BAX: variants seen among roughly 807,000 people sequenced by gnomAD.
BAX encodes the protein BCL2 associated X, apoptosis regulator.
In BAX, 21 loss-of-function variants were observed where a neutral mutation model predicts 26.8. The ratio of observed to expected loss-of-function variants is 0.78; its 90% CI spans 0.56 to 1.13. The LOEUF (loss-of-function observed/expected upper bound fraction) is 1.13. BAX is among the 50% of genes most tolerant of loss of function. BAX has a pLI of 0.00. For synonymous variants in BAX, 110 were observed against 101.8 expected (o/e 1.08, Z -0.49); for missense variants, 236 against 254.6 (o/e 0.93, Z 0.50).
chr19:48,956,163 C>T, intron 3 of BAX, 35 bp from the exon 4 acceptor site: 1 of 1,482,982 alleles, frequency 6.7e-7, no homozygotes, highest in South Asian at 1.4e-5. Context: ...AGCCTGATGC[C>T]TGCTCCCCGG....
chr19:48,960,344 C>A, intron 4 of BAX: 1 of 360,228 alleles, frequency 2.8e-6, no homozygotes, highest in Non-Finnish European at 5.5e-6. Context: ...CAGGTGCCTG[C>A]CACCACACCC....
rs900334183 is a variant in BAX at position 48,955,767 on chromosome 19, C to A, written c.167C>A (p.Thr56Asn). Residue 56 changes from threonine (T) to asparagine (N), a missense_variant, in exon 3 of 6, where the codon ACC becomes AAC. By Grantham distance (65) the Thr-to-Asn change is moderately conservative. Transcript: ENST00000345358. ...ALDPVPQDASTKKLSECLKRI... is the reference protein window; with the variant it reads ...ALDPVPQDASNKKLSECLKRI... ...GACCCGGTGCCTCAGGATGCGTCCA[C>A]CAAGAAGCTGAGCGAGTGTCTCAAG... The A allele has an allele frequency of 6.2e-7, 1 of 1,613,434 alleles. No individual in the cohort carries two copies. Among genetic ancestry groups the A allele is most frequent in the Non-Finnish European group, 8.5e-7 (1 of 1,179,768 alleles).
chr19:48,955,701 G>C lies in BAX; in HGVS notation c.101G>C (p.Arg34Pro), dbSNP rs760586942. Residue 34 changes from arginine (R) to proline (P), a missense_variant, in exon 3 of 6, where the codon CGA (arginine) becomes CCA (proline). Arg to Pro is a moderately radical substitution (Grantham distance 103, BLOSUM62 -2). Transcript: ENST00000345358. ...ALLLQGFIQD[R>P]AGRMGGEAPE... is the part of the protein sequence containing the mutation. ...CCCCACTCTAGTTTCATCCAGGATCGAGCAGGGCGAATGGGGGGGGAGGCA... is the reference window on the plus strand; with the variant it reads ...CCCCACTCTAGTTTCATCCAGGATCCAGCAGGGCGAATGGGGGGGGAGGCA... The C allele has an allele frequency of 6.2e-7, 1 of 1,612,412 alleles. No homozygotes were observed. The highest frequency in any genetic ancestry group is 8.5e-7 in the Non-Finnish European group (1 of 1,178,996).
chr19:48,961,093 T>C (rs772824562), intron 5 of BAX, 179 bp downstream of exon 5: 1 of 1,586,228 alleles, frequency 6.3e-7, no homozygotes, highest in East Asian at 2.2e-5. Context: ...TCCTTACGTG[T>C]CTGATCAATC....
chr19:48,959,541 A>C (rs557335978), intron 4 of BAX, among the ~76,000 whole-genome samples: 23 of 147,190 alleles, frequency 1.6e-4, no homozygotes, highest in African/African-American at 5.8e-4. Context: ...GGGGCTGGGC[A>C]TGGTGGCTCA....
At chr19:48,957,460 A>G (rs1181788266) in intron 4 of BAX, among the ~76,000 whole-genome samples, 1 of 149,864 alleles carries the variant, frequency 6.7e-6, no homozygotes, top group East Asian at 2.0e-4. Flanking sequence ...TTTTTAGTAG[A>G]GACGGAGTTT....
Position 48,955,529 on chromosome 19 carries a change from C to G in BAX, c.35-19C>G. 1 of 1,608,708 alleles carries G rather than the reference C, an allele frequency of 6.2e-7. No homozygotes were observed. Among genetic ancestry groups the G allele is most frequent in the South Asian group, 1.1e-5 (1 of 90,298 alleles). On this transcript the variant is annotated intron_variant, in intron 1 of 5. Coordinates refer to ENST00000345358, the MANE Select transcript of BAX (RefSeq NM_138761.4). ...GAACCCAAGAGTCCAGGTACCTCTT[C>G]CCTTCCTTTCTCCTCTAGGGCCCAC... is the stretch of plus-strand genomic sequence containing the variant.
intron 4 of BAX, among the ~76,000 whole-genome samples, chr19:48,957,316 C>G: frequency 8.5e-6 from 1 of 117,448 alleles, no homozygotes; most frequent in Non-Finnish European, 1.7e-5. Context: ...ACTTTGTTGC[C>G]CAGGCTGGAG....
intron 4 of BAX, among the ~76,000 whole-genome samples, chr19:48,959,826 CAA>C (rs764008422): frequency 3.1e-4 from 37 of 118,652 alleles, no homozygotes; most frequent in Admixed American, 3.5e-4. Flanking sequence ...AACTCTATCT[CAA>C]AAAAAAAAAA....
chr19:48,960,987 C>A, intron 5 of BAX, 73 bp downstream of exon 5: 1 of 1,613,028 alleles, frequency 6.2e-7, no homozygotes, highest in Non-Finnish European at 8.5e-7. Context: ...GTCCCTGCCC[C>A]CCGCCACTCC....
intron 4 of BAX, among the ~76,000 whole-genome samples, chr19:48,958,125 C>G (rs1165329030): frequency 6.7e-6 from 1 of 150,200 alleles, no homozygotes; most frequent in East Asian, 1.9e-4. Flanking sequence ...GGGTCTTGCT[C>G]TGTTGGCCAG....
intron 5 of BAX, chr19:48,961,159 G>A (rs951626301): frequency 3.3e-6 from 5 of 1,530,352 alleles, no homozygotes; most frequent in Non-Finnish European, 4.4e-6. Context: ...CTGTGACCTT[G>A]ACTTGATTAG....
chr19:48,961,761 G>A lies in BAX; in HGVS notation c.*125G>A. ...TAATTATTGGGGGGTGTGGGGAAGA[G>A]TGGTCTTGAGGGGGTAATAAACCTC... On this transcript the variant is annotated 3_prime_UTR_variant, in exon 6 of 6. Transcript: ENST00000345358. The A allele has an allele frequency of 2.2e-6, 2 of 889,534 alleles. No individual in the cohort carries two copies. Among genetic ancestry groups the A allele is most frequent in the South Asian group, 1.6e-5 (1 of 61,882 alleles). The allele number at this position is 889,534 out of a possible 1,614,324, so 55.1% of individuals were successfully genotyped here. A position where few individuals can be genotyped will look rare whatever the true frequency, so the allele number is the denominator to read the frequency against.
Position 48,960,859 on chromosome 19 carries a change from C to T in BAX, c.419C>T (p.Thr140Ile). 1 of 1,614,190 alleles carries T rather than the reference C, an allele frequency of 6.2e-7. No individual in the cohort carries two copies. The highest frequency in any genetic ancestry group is 8.5e-7 in the Non-Finnish European group (1 of 1,180,028). Reference sequence around the variant, plus strand: ...CTGATCAGAACCATCATGGGCTGGACATTGGACTTCCTCCGGGAGCGGCTG... The same window carrying T: ...CTGATCAGAACCATCATGGGCTGGATATTGGACTTCCTCCGGGAGCGGCTG... Reference protein sequence around the residue: ...PELIRTIMGWTLDFLRERLLG... With the variant: ...PELIRTIMGWILDFLRERLLG... Residue 140 changes from threonine (T) to isoleucine (I), a missense_variant, in exon 5 of 6, where the codon ACA becomes ATA. Transcript: ENST00000345358.
At chr19:48,959,053 C>T (rs982532070) in intron 4 of BAX, among the ~76,000 whole-genome samples, 11 of 151,712 alleles carry the variant, frequency 7.3e-5, no homozygotes, top group African/African-American at 2.7e-4. Context: ...TTCTCTGGTC[C>T]AGAAAAGTCC....
At chr19:48,957,584 T>C (rs2122359687) in intron 4 of BAX, among the ~76,000 whole-genome samples, 1 of 152,226 alleles carries the variant, frequency 6.6e-6, no homozygotes, top group Admixed American at 6.5e-5. Flanking sequence ...CTGGAAAGAC[T>C]TTAACTTTAC....
chr19:48,961,606 C>G lies in BAX; in HGVS notation c.549C>G (p.Ala183=). ...TCTTTGTGGCGGGAGTGCTCACCGC[C>G]TCACTCACCATCTGGAAGAAGATGG... ...VTIFVAGVLT[A]SLTIWKKMG The change falls in exon 6 of 6, where the codon GCC becomes GCG. Residue 183 remains alanine (A), a synonymous_variant. Transcript: ENST00000345358. 6.2e-7 allele frequency: 1 copy of G among 1,600,900 alleles called. No homozygotes were observed. The highest frequency in any genetic ancestry group is 8.5e-7 in the Non-Finnish European group (1 of 1,173,506).
chr19:48,959,512 TAAAAA>T (rs199697807), intron 4 of BAX, among the ~76,000 whole-genome samples: 1 of 131,660 alleles, frequency 7.6e-6, no homozygotes, highest in South Asian at 2.4e-4. Context: ...TTTAAAAAAT[TAAAAA>T]AAAAAAAAAA....
chr19:48,961,543 C>T lies in BAX; in HGVS notation c.486C>T (p.Leu162=). The T allele has an allele frequency of 6.2e-7, 1 of 1,609,354 alleles. No homozygotes were observed. Among genetic ancestry groups the T allele is most frequent in the Non-Finnish European group, 8.5e-7 (1 of 1,177,846 alleles). The change falls in exon 6 of 6, where the codon CTC becomes CTT. Residue 162 remains leucine (L), a synonymous_variant. Transcript: ENST00000345358. ...IQDQGGWDGL[L]SYFGTPTWQT... Reference sequence around the variant, plus strand: ...GTCCCTGTCTCCAGGACGGCCTCCTCTCCTACTTTGGGACGCCCACGTGGC... The same window carrying T: ...GTCCCTGTCTCCAGGACGGCCTCCTTTCCTACTTTGGGACGCCCACGTGGC...
Sources: allele counts gnomAD v4.1 joint callset (sites outside exome capture counted in the v4.1 genomes callset), GRCh38; gene constraint gnomAD v4.1.1; transcripts MANE v1.5; gene names NCBI Gene and HGNC (gene_info 2026-07-23, HGNC 2026-07-21).